Variants in C4orf51 observed in about 807,000 individuals in gnomAD.
C4orf51 encodes chromosome 4 open reading frame 51, also known as uncharacterized protein C4orf51.
C4orf51 carries 25 observed loss-of-function variants against 25.2 expected under a neutral mutation model. The observed-to-expected ratio is 0.99, with a 90% CI of 0.72 to 1.39. C4orf51 has a LOEUF of 1.39. Among genes scored for constraint, C4orf51 ranks in the 40% most tolerant of loss-of-function variants. The pLI, the probability that C4orf51 is intolerant of heterozygous loss-of-function variation, is 0.00. For synonymous variants in C4orf51, 100 were observed against 84.5 expected (o/e 1.18, Z -1.01); for missense variants, 252 against 239.6 (o/e 1.05, Z -0.34).
At chr4:145,744,244 A>G (rs1002887388) in intron 1 of C4orf51, among the ~76,000 whole-genome samples, 2 of 152,152 alleles carry the variant, frequency 1.3e-5, no homozygotes, top group African/African-American at 4.8e-5. Context: ...TTGCTTTAGA[A>G]TATGTTCAAC....
chr4:145,778,294 C>T, the C4orf51 span, among the ~76,000 whole-genome samples: 3 of 152,114 alleles, frequency 2.0e-5, no homozygotes, highest in African/African-American at 4.8e-5. Flanking sequence ...CCACCACATC[C>T]GTCTAATTTT....
chr4:145,700,310 T>C (rs1040864642), intron 2 of C4orf51, among the ~76,000 whole-genome samples: 1 of 151,760 alleles, frequency 6.6e-6, no homozygotes, highest in Non-Finnish European at 1.5e-5. Flanking sequence ...TTCTGGAGGG[T>C]AAGAACCCCC....
In C4orf51 at chr4:145,703,492, G is replaced by A. The variant is rs575687951; in HGVS notation, c.307+6860G>A. Among the ~76,000 whole-genome samples, 11 of 152,172 alleles carry A rather than the reference G, an allele frequency of 7.2e-5. No individual in the cohort carries two copies. The East Asian group carries it at 1.2e-3, about 16-fold the overall frequency. ...AACCTGTTTGGTGGTCTCTTCACAC[G>A]GACGCGCATGAAACTCCTTATCTGA... On this transcript the variant is annotated intron_variant, in intron 2 of 5. Coordinates refer to ENST00000438731, the MANE Select transcript of C4orf51 (RefSeq NM_001080531.3).
chr4:145,711,377 G>A (rs1731118303), intron 2 of C4orf51, among the ~76,000 whole-genome samples: 1 of 152,188 alleles, frequency 6.6e-6, no homozygotes, highest in South Asian at 2.1e-4. Flanking sequence ...CCTAACAATG[G>A]AAAAGTCACC....
chr4:145,709,016 C>T (rs1253231320), intron 2 of C4orf51, among the ~76,000 whole-genome samples: 2 of 152,098 alleles, frequency 1.3e-5, no homozygotes, highest in Non-Finnish European at 2.9e-5. Flanking sequence ...ATGGAGGCTA[C>T]AGGAAGAAGT....
chr4:145,779,575 A>T, the C4orf51 span: 1 of 1,574,040 alleles, frequency 6.4e-7, no homozygotes, highest in Non-Finnish European at 8.6e-7. Flanking sequence ...CTGTTAGTCA[A>T]CATTCAGGAT....
At chr4:145,749,438 T>C (rs1733553850) in intron 1 of C4orf51, among the ~76,000 whole-genome samples, 1 of 152,126 alleles carries the variant, frequency 6.6e-6, no homozygotes, top group Non-Finnish European at 1.5e-5. Flanking sequence ...GATTTATTCC[T>C]GTCATTTTGT....
intron 2 of C4orf51, among the ~76,000 whole-genome samples, chr4:145,713,179 C>T (rs542472371): frequency 6.6e-6 from 1 of 152,346 alleles, no homozygotes; most frequent in African/African-American, 2.4e-5. Context: ...CCTGCTAACA[C>T]AACATCCATT....
At chr4:145,758,599 A>ACAAAG (rs1190378833), downstream of C4orf51, 1 of 152,326 alleles carries the variant, frequency 6.6e-6, no homozygotes, top group Non-Finnish European at 1.5e-5. Context: ...ACAAAACAAA[A>ACAAAG]CAAAAAACCA....
chr4:145,779,384 C>T, the C4orf51 span: 10 of 1,613,990 alleles, frequency 6.2e-6, no homozygotes, highest in African/African-American at 5.3e-5. Context: ...CTGTGTGCAG[C>T]GAGAGGTGTC....
At chr4:145,772,889 T>C (rs926368685), downstream of C4orf51, among the ~76,000 whole-genome samples, 1 of 152,252 alleles carries the variant, frequency 6.6e-6, no homozygotes, top group African/African-American at 2.4e-5. Context: ...CCTGTGGTAA[T>C]TACGAGGTAT....
chr4:145,774,786 T>G, downstream of C4orf51: 2 of 1,199,938 alleles, frequency 1.7e-6, no homozygotes, highest in Non-Finnish European at 2.3e-6. Context: ...TTGAAACACA[T>G]TTGTCTCTCC....
chr4:145,709,728 C>G (rs1322388685), intron 2 of C4orf51, among the ~76,000 whole-genome samples: 2 of 152,160 alleles, frequency 1.3e-5, no homozygotes, highest in Non-Finnish European at 2.9e-5. Flanking sequence ...GCAGAAGAAA[C>G]CCCAAGCATT....
intron 1 of C4orf51, among the ~76,000 whole-genome samples, chr4:145,693,965 G>A (rs1729825315): frequency 7.0e-6 from 1 of 142,990 alleles, no homozygotes; most frequent in Non-Finnish European, 1.5e-5. Context: ...CTGCCGGGCG[G>A]AGAGGCTCCT....
chr4:145,694,677 C>T, intron 1 of C4orf51, among the ~76,000 whole-genome samples: 1 of 141,550 alleles, frequency 7.1e-6, no homozygotes, highest in Non-Finnish European at 1.5e-5. Context: ...CGGCCAGCCG[C>T]CCCGTCGGGG....
chr4:145,784,349 G>A, the C4orf51 span, among the ~76,000 whole-genome samples: 3 of 152,162 alleles, frequency 2.0e-5, no homozygotes, highest in East Asian at 5.8e-4. Context: ...TTCAGCCACC[G>A]TTGGTTGGGT....
At chr4:145,751,907 T>C (rs4536948) in intron 1 of C4orf51, among the ~76,000 whole-genome samples, 146,080 of 152,314 alleles carry the variant, frequency 0.96, 70,117 homozygotes, top group African/African-American at 0.99. Context: ...GGTGCCTCTC[T>C]CCATAGCCAC....
chr4:145,734,217 T>C (rs1211955680), downstream of C4orf51, among the ~76,000 whole-genome samples: 2 of 152,206 alleles, frequency 1.3e-5, no homozygotes, highest in African/African-American at 4.8e-5. Flanking sequence ...TGGAAACATA[T>C]TCCCTCACAC....
At chr4:145,715,815 G>A (rs557434711) in intron 2 of C4orf51, among the ~76,000 whole-genome samples, 2 of 152,248 alleles carry the variant, frequency 1.3e-5, no homozygotes, top group East Asian at 3.9e-4. Context: ...GTTCCATGCT[G>A]GAACAGTTGC....
Sources: gnomAD v4.1 joint callset for allele counts (sites outside exome capture counted in the v4.1 genomes callset) on GRCh38, gnomAD v4.1.1 for gene constraint, MANE v1.5 for transcripts, NCBI Gene and HGNC (gene_info 2026-07-23, HGNC 2026-07-21) for gene names.